MOB1B: variants seen among roughly 807,000 people sequenced by gnomAD.
The protein encoded by MOB1B is MOB kinase activator 1B.
A neutral mutation model predicts 24.4 loss-of-function variants in MOB1B; 19 were observed. The ratio of observed to expected loss-of-function variants is 0.78; its 90% CI spans 0.54 to 1.14. MOB1B has a LOEUF of 1.14. MOB1B is among the 50% of genes most tolerant of loss of function. The pLI is 0.00. For missense variants in MOB1B, 243 were observed against 259.6 expected, an observed-to-expected ratio of 0.94 and a Z score of 0.44; for synonymous variants, 76 against 82.1, an observed-to-expected ratio of 0.93 and a Z score of 0.40.
chr4:70,948,284 A>G (rs1000408196), intron 1 of MOB1B, among the ~76,000 whole-genome samples: 13 of 152,144 alleles, frequency 8.5e-5, no homozygotes, highest in Admixed American at 7.9e-4. Flanking sequence ...TGACAATTAT[A>G]TTTTTCTTTG....
intron 1 of MOB1B, among the ~76,000 whole-genome samples, chr4:70,948,060 T>C (rs1737657626): frequency 6.6e-6 from 1 of 152,256 alleles, no homozygotes; most frequent in Admixed American, 6.5e-5. Flanking sequence ...TATTGTGTTG[T>C]AGTTTTAGGT....
chr4:70,921,497 C>T (rs1036070724), intron 1 of MOB1B, among the ~76,000 whole-genome samples: 17 of 125,228 alleles, frequency 1.4e-4, no homozygotes, highest in African/African-American at 3.4e-4. Flanking sequence ...CTCCCCTCCC[C>T]TCCCCTCCCC....
intron 1 of MOB1B, among the ~76,000 whole-genome samples, chr4:70,953,688 A>G (rs375614610): frequency 1.3e-5 from 2 of 152,300 alleles, no homozygotes; most frequent in East Asian, 3.9e-4. Flanking sequence ...CATGCCTGTC[A>G]TTCCCAGCAC....
intron 1 of MOB1B, among the ~76,000 whole-genome samples, chr4:70,956,965 G>A (rs1003460654): frequency 5.9e-5 from 9 of 152,054 alleles, no homozygotes; most frequent in African/African-American, 2.2e-4. Context: ...GATGATTATA[G>A]TAATGCAGCC....
At position 70,984,841 on chromosome 4, in the gene MOB1B, T is replaced by C. The variant is rs979444906; in HGVS notation, c.*2784T>C. On this transcript the variant is annotated 3_prime_UTR_variant, in exon 6 of 6. Coordinates refer to ENST00000309395, the MANE Select transcript of MOB1B (RefSeq NM_173468.4). ...CCCTTTCTCTTAAAAACCATGGCATTAGACTGCACTAAATTAACAAGCATG... is the reference window on the plus strand; with the variant it reads ...CCCTTTCTCTTAAAAACCATGGCATCAGACTGCACTAAATTAACAAGCATG... 2 of 152,194 alleles carry C rather than the reference T, an allele frequency of 1.3e-5. No individual in the cohort carries two copies. Among genetic ancestry groups the C allele is most frequent in the Admixed American group, 1.3e-4 (2 of 15,284 alleles). The allele number at this position is 152,194 out of a possible 1,614,324, so 9.4% of individuals were successfully genotyped here.
At chr4:70,936,342 T>G (rs1711797847) in intron 1 of MOB1B, among the ~76,000 whole-genome samples, 1 of 152,254 alleles carries the variant, frequency 6.6e-6, no homozygotes, top group South Asian at 2.1e-4. Flanking sequence ...TGAACTGCAT[T>G]TAAGTGTAAT....
chr4:70,981,957 GC>G, intron 5 of MOB1B, 22 bp from the exon 6 acceptor site: 1 of 1,468,566 alleles, frequency 6.8e-7, no homozygotes, highest in South Asian at 1.2e-5. Context: ...TATTTATTCT[GC>G]CTTTCTTTAT....
rs921799672 is a variant in MOB1B, at chr4:70,986,940, AAG to A, written c.*4889_*4890del. 6.6e-6 allele frequency: 1 copy of A among 152,162 alleles called. No individual in the cohort carries two copies. Among genetic ancestry groups the A allele is most frequent in the Non-Finnish European group, 1.5e-5 (1 of 67,994 alleles). 9.4% of individuals were successfully genotyped at this position (152,162 alleles called of 1,614,324 possible). ...GCTGAACTGATTCACATTTTGACAAAAGAGAGAAAATACAAAAATGAGTTTTG... is the reference window on the plus strand; with the variant it reads ...GCTGAACTGATTCACATTTTGACAAAAGAGAAAATACAAAAATGAGTTTTG... On this transcript the variant is annotated 3_prime_UTR_variant, in exon 6 of 6. Transcript: ENST00000309395.
At chr4:70,957,019 A>G (rs1346354842) in intron 1 of MOB1B, among the ~76,000 whole-genome samples, 4 of 148,358 alleles carry the variant, frequency 2.7e-5, no homozygotes, top group Non-Finnish European at 6.0e-5. Context: ...AGAGGGAGGG[A>G]TTGGGGTTGG....
intron 4 of MOB1B, chr4:70,975,850 T>C (rs188189720): frequency 1.1e-6 from 1 of 874,738 alleles, no homozygotes; most frequent in Non-Finnish European, 1.4e-6. Context: ...ACCAAATTTA[T>C]CATGAACATT....
intron 1 of MOB1B, among the ~76,000 whole-genome samples, chr4:70,904,946 A>G (rs931963266): frequency 6.6e-6 from 1 of 152,200 alleles, no homozygotes; most frequent in Admixed American, 6.6e-5. Context: ...AGTAACTACA[A>G]AAGAAATCTT....
chr4:70,939,412 G>A (rs1463156900), intron 1 of MOB1B, among the ~76,000 whole-genome samples: 1 of 152,178 alleles, frequency 6.6e-6, no homozygotes, highest in Non-Finnish European at 1.5e-5. Context: ...GGGTGCAGTA[G>A]TTCACACCTG....
chr4:70,928,823 A>G (rs922030740), intron 1 of MOB1B, among the ~76,000 whole-genome samples: 7 of 152,204 alleles, frequency 4.6e-5, no homozygotes, highest in Non-Finnish European at 8.8e-5. Context: ...CCTAGGTTCA[A>G]GTGATCCTCC....
At chr4:70,928,711 A>T (rs898362264) in intron 1 of MOB1B, among the ~76,000 whole-genome samples, 3 of 152,170 alleles carry the variant, frequency 2.0e-5, no homozygotes, top group Non-Finnish European at 4.4e-5. Context: ...GCTACTGTGC[A>T]CAGAAGAGTT....
At position 70,982,516 on chromosome 4, in the gene MOB1B, AC is replaced by A. The variant is rs1180296648; in HGVS notation, c.*462del. ...GGCTTGAAACAATATTAGGATTACT[AC>A]CCAGGGCACTTACTGGTGCATGTTG... On this transcript the variant is annotated 3_prime_UTR_variant, in exon 6 of 6. Coordinates refer to ENST00000309395, the MANE Select transcript of MOB1B (RefSeq NM_173468.4). The A allele has an allele frequency of 1.3e-5, 2 of 152,768 alleles. No individual in the cohort carries two copies. Among genetic ancestry groups the A allele is most frequent in the Non-Finnish European group, 2.9e-5 (2 of 68,306 alleles). 9.5% of individuals were successfully genotyped at this position (152,768 alleles called of 1,614,324 possible). A position where few individuals can be genotyped will look rare whatever the true frequency, so the allele number is the denominator to read the frequency against.
chr4:70,902,560 C>G lies in MOB1B; in HGVS notation c.14+10C>G. On this transcript the variant is annotated intron_variant, in intron 1 of 5. Coordinates refer to ENST00000309395, the MANE Select transcript of MOB1B (RefSeq NM_173468.4). ...ACATGAGCTTCTTGTTGTGAGTAGC[C>G]AGGCCCCGCACGCGCCGGCTTTGTT... The G allele has an allele frequency of 6.4e-7, 1 of 1,556,812 alleles. No homozygotes were observed. Among genetic ancestry groups the G allele is most frequent in the Non-Finnish European group, 8.7e-7 (1 of 1,152,876 alleles).
At chr4:70,977,650 A>G (rs1283904757) in intron 4 of MOB1B, among the ~76,000 whole-genome samples, 3 of 152,084 alleles carry the variant, frequency 2.0e-5, no homozygotes, top group African/African-American at 7.2e-5. Context: ...AGCAGCTGTA[A>G]TCTCATTTAG....
At chr4:70,932,947 A>G (rs1736937143) in intron 1 of MOB1B, among the ~76,000 whole-genome samples, 1 of 152,164 alleles carries the variant, frequency 6.6e-6, no homozygotes, top group Admixed American at 6.5e-5. Context: ...GCTGGGTCAT[A>G]TATCTATATT....
intron 1 of MOB1B, among the ~76,000 whole-genome samples, chr4:70,955,464 CTTTTTTTTTT>C (rs36054184): frequency 1.1e-5 from 1 of 89,332 alleles, no homozygotes; most frequent in African/African-American, 4.6e-5. Flanking sequence ...AGTATGTGTC[CTTTTTTTTTT>C]TTTTTTTTTT....
Sources: allele counts gnomAD v4.1 joint callset (sites outside exome capture counted in the v4.1 genomes callset), GRCh38; gene constraint gnomAD v4.1.1; transcripts MANE v1.5; gene names NCBI Gene and HGNC (gene_info 2026-07-23, HGNC 2026-07-21).